The following ORC4 variants were observed in gnomAD, a reference collection of about 807,000 sequenced individuals.
ORC4 encodes origin recognition complex subunit 4.
Under a neutral mutation model 63.9 loss-of-function variants are expected in ORC4, and 55 were observed. The ratio of observed to expected loss-of-function variants is 0.86; its 90% CI spans 0.69 to 1.08. The LOEUF is 1.08. ORC4 is among the 50% of genes least tolerant of loss of function. The pLI is 0.00. For missense variants in ORC4, 511 were observed against 504.4 expected, an observed-to-expected ratio of 1.01 and a Z score of -0.13; for synonymous variants, 150 against 168.5, an observed-to-expected ratio of 0.89 and a Z score of 0.85.
chr2:147,993,812 A>C (rs1394992146), intron 1 of ORC4, among the ~76,000 whole-genome samples: 1 of 152,194 alleles, frequency 6.6e-6, no homozygotes. Flanking sequence ...CCCAAAGTTA[A>C]AAGGCTATCA....
At chr2:148,012,043 A>T (rs933090377) in intron 1 of ORC4, among the ~76,000 whole-genome samples, 1 of 152,170 alleles carries the variant, frequency 6.6e-6, no homozygotes, top group Non-Finnish European at 1.5e-5. Context: ...TACAGATTCA[A>T]AGCCATCCCT....
chr2:147,948,300 G>A, intron 8 of ORC4, 76 bp from the exon 9 acceptor site: 1 of 933,298 alleles, frequency 1.1e-6, no homozygotes, highest in African/African-American at 1.7e-5. Flanking sequence ...CAATGTTAGA[G>A]GTATAAGTAA....
intron 4 of ORC4, among the ~76,000 whole-genome samples, 200 bp from the exon 5 acceptor site, chr2:147,959,066 GAT>G (rs1689429531): frequency 6.6e-6 from 1 of 151,940 alleles, no homozygotes; most frequent in Non-Finnish European, 1.5e-5. Context: ...AGCCAGGACT[GAT>G]ACAATATTCT....
At chr2:147,960,388 G>A in intron 4 of ORC4, 1 of 950,128 alleles carries the variant, frequency 1.1e-6, no homozygotes, top group Non-Finnish European at 1.3e-6. Flanking sequence ...TATTGTTTAT[G>A]CAATCAACCA....
intron 4 of ORC4, among the ~76,000 whole-genome samples, chr2:147,972,532 T>C (rs17225388): frequency 6.6e-6 from 1 of 152,098 alleles, no homozygotes; most frequent in African/African-American, 2.4e-5. Context: ...AAAGGTCTGC[T>C]ACACTCAAAT....
chr2:147,988,052 C>CA (rs1213881150), intron 1 of ORC4, among the ~76,000 whole-genome samples: 651 of 59,932 alleles, frequency 0.011, 2 homozygotes, highest in Middle Eastern at 0.037. Flanking sequence ...GACTCTGTCT[C>CA]AAAAAAAAAA....
At chr2:147,966,473 C>T (rs536237470) in intron 4 of ORC4, among the ~76,000 whole-genome samples, 8 of 151,808 alleles carry the variant, frequency 5.3e-5, no homozygotes, top group Admixed American at 2.6e-4. Flanking sequence ...AGTTGCTTAG[C>T]TAGACTAAGA....
At chr2:147,938,778 A>C (rs975441631) in intron 11 of ORC4, 2 of 332,678 alleles carry the variant, frequency 6.0e-6, no homozygotes, top group Non-Finnish European at 1.1e-5. Flanking sequence ...ATTATATCCA[A>C]ATCTGTGTAT....
chr2:148,011,479 T>C (rs1480681421), intron 1 of ORC4, among the ~76,000 whole-genome samples: 1 of 152,104 alleles, frequency 6.6e-6, no homozygotes, highest in Non-Finnish European at 1.5e-5. Flanking sequence ...TCCCTCAACA[T>C]GATAAAGCCA....
chr2:148,007,986 ACG>A (rs1420864955), intron 1 of ORC4, among the ~76,000 whole-genome samples: 1 of 152,186 alleles, frequency 6.6e-6, no homozygotes, highest in Non-Finnish European at 1.5e-5. Flanking sequence ...ACAAGTAACC[ACG>A]GTTTTTGTAA....
At chr2:147,943,017 A>G (rs1451009163) in intron 10 of ORC4, among the ~76,000 whole-genome samples, 2 of 152,182 alleles carry the variant, frequency 1.3e-5, no homozygotes, top group Non-Finnish European at 2.9e-5. Flanking sequence ...ACCCATTTAC[A>G]ATTGTTCTAA....
intron 4 of ORC4, among the ~76,000 whole-genome samples, chr2:147,963,173 T>C (rs1689702044): frequency 6.6e-6 from 1 of 152,084 alleles, no homozygotes; most frequent in Non-Finnish European, 1.5e-5. Context: ...ACCTGAGAAG[T>C]ACACTTGCCA....
chr2:147,979,768 C>T (rs774807750), intron 1 of ORC4, among the ~76,000 whole-genome samples: 1 of 152,060 alleles, frequency 6.6e-6, no homozygotes, highest in Non-Finnish European at 1.5e-5. Flanking sequence ...AGAAATAAAT[C>T]CATACTTTTA....
chr2:147,980,361 T>A (rs1000962748), intron 1 of ORC4, among the ~76,000 whole-genome samples: 7 of 152,100 alleles, frequency 4.6e-5, no homozygotes, highest in African/African-American at 1.7e-4. Context: ...TATGTGTAGG[T>A]TATACGCTAA....
At position 147,975,991 on chromosome 2, in the gene ORC4, CATAA is replaced by C; in HGVS notation, c.-17-20_-17-17del. 8.1e-7 allele frequency: 1 copy of C among 1,241,784 alleles called. No individual in the cohort carries two copies. The highest frequency in any genetic ancestry group is 1.2e-6 in the Non-Finnish European group (1 of 841,312). The allele number at this position is 1,241,784 out of a possible 1,614,324, so 76.9% of individuals were successfully genotyped here. A position where few individuals can be genotyped will look rare whatever the true frequency, so the allele number is the denominator to read the frequency against. On this transcript the variant is annotated splice_polypyrimidine_tract_variant and intron_variant, in intron 1 of 13. Coordinates refer to ENST00000392857, the MANE Select transcript of ORC4 (RefSeq NM_181741.4). ...AATTCAAATCCTTTAAAAAAATTGG[CATAA>C]ATATTATAAACGTAGTGACTTAAAG...
intron 11 of ORC4, chr2:147,938,711 T>TA: frequency 2.9e-6 from 1 of 350,446 alleles, no homozygotes; most frequent in Non-Finnish European, 5.3e-6. Flanking sequence ...TATGTGACTT[T>TA]AAATCACACA....
chr2:148,012,018 C>G (rs1180125159), intron 1 of ORC4, among the ~76,000 whole-genome samples: 1 of 152,054 alleles, frequency 6.6e-6, no homozygotes, highest in East Asian at 1.9e-4. Flanking sequence ...AATGACAATA[C>G]TTCCCACAGC....
chr2:147,937,551 C>G (rs1688121358), intron 13 of ORC4, among the ~76,000 whole-genome samples: 1 of 152,076 alleles, frequency 6.6e-6, no homozygotes, highest in Admixed American at 6.6e-5. Context: ...TACTGTTCTT[C>G]TATAATGATT....
At chr2:147,947,952 T>C in intron 9 of ORC4, 99 bp downstream of exon 9, 1 of 942,570 alleles carries the variant, frequency 1.1e-6, no homozygotes, top group South Asian at 1.4e-5. Flanking sequence ...TCAGCAATAT[T>C]AGAAACTTTG....
Sources: gnomAD v4.1 joint callset for allele counts (sites outside exome capture counted in the v4.1 genomes callset) on GRCh38, gnomAD v4.1.1 for gene constraint, MANE v1.5 for transcripts, NCBI Gene and HGNC (gene_info 2026-07-23, HGNC 2026-07-21) for gene names.